The following SLC5A2 variants were observed in gnomAD, a reference collection of about 807,000 sequenced individuals.
SLC5A2 encodes the protein sodium/glucose cotransporter 2.
In SLC5A2, 67 loss-of-function variants were observed where a neutral mutation model predicts 69.0. The observed-to-expected ratio is 0.97, with a 90% CI of 0.80 to 1.19. The LOEUF (loss-of-function observed/expected upper bound fraction) is 1.19. Ranked by LOEUF, SLC5A2 falls within the 50% of genes most tolerant of loss-of-function variation. The pLI, the probability that SLC5A2 is intolerant of heterozygous loss-of-function variation, is 0.00. For synonymous variants in SLC5A2, 455 were observed against 395.8 expected (o/e 1.15, Z -1.78); for missense variants, 1,001 against 921.5 (o/e 1.09, Z -1.12).
chr16:31,483,669 G>A (rs974006814), intron 1 of SLC5A2, among the ~76,000 whole-genome samples: 3 of 152,274 alleles, frequency 2.0e-5, no homozygotes, highest in East Asian at 3.9e-4. Context: ...AAGGCAGGGG[G>A]ATCACTGAGG....
rs115172778 is a variant in SLC5A2 at position 31,483,477 on chromosome 16, G to T, written c.126+215G>T. Among the ~76,000 whole-genome samples the T allele has an allele frequency of 6.4e-3, 975 of 152,268 alleles. 17 individuals are homozygous for T. Among genetic ancestry groups the T allele is most frequent in the African/African-American group, 0.023 (935 of 41,552 alleles). ...GGGACTGTGCTAGCTGAAGGGGTCC[G>T]CGGATTTTCATCAGGGTCGACATTC... On this transcript the variant is annotated intron_variant, in intron 1 of 13. Coordinates refer to ENST00000330498, the MANE Select transcript of SLC5A2 (RefSeq NM_003041.4).
rs761287089 is a variant in SLC5A2 at position 31,490,399 on chromosome 16, T to G, written c.1883T>G (p.Leu628Arg). 11 of 1,613,486 alleles carry G rather than the reference T, an allele frequency of 6.8e-6. No homozygotes were observed. Among genetic ancestry groups the G allele is most frequent in the Non-Finnish European group, 9.3e-6 (11 of 1,179,868 alleles). The change falls in exon 14 of 14, where the codon CTT (leucine) becomes CGT (arginine). Residue 628 changes from leucine (L) to arginine (R), a missense_variant. Physicochemically the swap from Leu to Arg is moderately radical, Grantham distance 102. Transcript: ENST00000330498. ...SRGGVGSPPP[L>R]TQEEAAAAAR... ...GGTGGGGTGGGCAGTCCTCCGCCCCTTACCCAGGAGGAGGCAGCGGCAGCA... is the reference window on the plus strand; with the variant it reads ...GGTGGGGTGGGCAGTCCTCCGCCCCGTACCCAGGAGGAGGCAGCGGCAGCA...
At chr16:31,488,315 C>A in intron 8 of SLC5A2, 68 bp from the exon 9 acceptor site, 1 of 1,600,336 alleles carries the variant, frequency 6.2e-7, no homozygotes, top group Non-Finnish European at 8.5e-7. Context: ...CTAGGATTCC[C>A]AGTCCCCACC....
In SLC5A2 at chr16:31,490,647, C is replaced by A; in HGVS notation, c.*112C>A. 8.9e-7 allele frequency: 1 copy of A among 1,121,670 alleles called. No homozygotes were observed. The highest frequency in any genetic ancestry group is 1.3e-6 in the Non-Finnish European group (1 of 759,430). 69.5% of individuals were successfully genotyped at this position (1,121,670 alleles called of 1,614,324 possible). ...GCAGTGGGGTGAGAAGGTCCTGGCT[C>A]CCCTTCTCCCGGCCTTCCTCTGCCT... is the stretch of plus-strand genomic sequence containing the variant. On this transcript the variant is annotated 3_prime_UTR_variant, in exon 14 of 14. Transcript: ENST00000330498.
chr16:31,483,349 G>A (rs1000950348), intron 1 of SLC5A2, 87 bp downstream of exon 1: 1 of 1,544,886 alleles, frequency 6.5e-7, no homozygotes, highest in Non-Finnish European at 8.9e-7. Context: ...GTGGGAGAAT[G>A]ATGCTTGGAT....
chr16:31,489,027 C>G lies in SLC5A2; in HGVS notation c.1428C>G (p.Phe476Leu), dbSNP rs1028301327. 16 of 1,600,666 alleles carry G rather than the reference C, an allele frequency of 1.0e-5. No individual in the cohort carries two copies. The highest frequency in any genetic ancestry group is 4.0e-5 in the African/African-American group (3 of 74,944). The stretch of plus-strand genomic sequence containing the variant: ...CCGCCGTCTTCGTGCTGGCGCTCTT[C>G]GTGCCGCGCGTTAATGAGCAGGTGA... Reference protein sequence around the residue: ...PVSAVFVLALFVPRVNEQGAF... With the variant: ...PVSAVFVLALLVPRVNEQGAF... Residue 476 changes from phenylalanine to leucine, a missense_variant, in exon 11 of 14, where the codon TTC becomes TTG. Transcript: ENST00000330498.
chr16:31,487,280 A>G, intron 5 of SLC5A2, 40 bp from the exon 6 acceptor site: 10 of 1,601,544 alleles, frequency 6.2e-6, no homozygotes, highest in Non-Finnish European at 8.6e-6. Flanking sequence ...AGCCTGTAAC[A>G]TAAACAGCTG....
Position 31,488,884 on chromosome 16 carries a change from T to C in SLC5A2, c.1285T>C (p.Trp429Arg). The change falls in exon 11 of 14, where the codon TGG (tryptophan) becomes CGG (arginine). Residue 429 changes from tryptophan (W) to arginine (R), a missense_variant. Trp to Arg is a moderately radical substitution (Grantham distance 101). Coordinates refer to ENST00000330498, the MANE Select transcript of SLC5A2 (RefSeq NM_003041.4). ...ATCCGACGGCCTCCGCCGCAGGCTC[T>C]GGGTGGTGTTCATCGTGGTAGTGTC... ...DRELLLVGRL[W>R]VVFIVVVSVA... The C allele has an allele frequency of 1.2e-6, 2 of 1,605,364 alleles. No individual in the cohort carries two copies. Among genetic ancestry groups the C allele is most frequent in the Non-Finnish European group, 1.7e-6 (2 of 1,179,826 alleles).
In SLC5A2 at chr16:31,484,800, C is replaced by A. The variant is rs1281771783; in HGVS notation, c.199-19C>A. 6.8e-6 allele frequency: 11 copies of A among 1,612,252 alleles called. No individual in the cohort carries two copies. The highest frequency in any genetic ancestry group is 8.5e-6 in the Non-Finnish European group (10 of 1,179,926). ...GCCTGGAGAAGCAGCCCTGCTCACT[C>A]CCTCCTCTGGCCACCCAGGTTGGGG... is the stretch of plus-strand genomic sequence containing the variant. On this transcript the variant is annotated intron_variant, in intron 2 of 13. Coordinates refer to ENST00000330498, the MANE Select transcript of SLC5A2 (RefSeq NM_003041.4).
intron 3 of SLC5A2, chr16:31,485,492 A>G (rs774166915): frequency 5.0e-6 from 3 of 594,690 alleles, no homozygotes; most frequent in African/African-American, 1.9e-5. Flanking sequence ...ACATTGGGAA[A>G]AACGGGCCAG....
chr16:31,488,213 G>C (rs750723203), intron 8 of SLC5A2, 40 bp downstream of exon 8: 13 of 1,613,630 alleles, frequency 8.1e-6, no homozygotes, highest in Non-Finnish European at 1.1e-5. Context: ...GCCAGCAACC[G>C]GGCGCCCGTC....
At position 31,488,691 on chromosome 16, in the gene SLC5A2, G is replaced by C. The variant is rs373855573; in HGVS notation, c.1199G>C (p.Ser400Thr). The change falls in exon 10 of 14, where the codon AGC (serine) becomes ACC (threonine). Residue 400 changes from serine (S) to threonine (T), a missense_variant. Transcript: ENST00000330498. ...LMSSLASIFNSSSTLFTMDIY... is the reference protein window; with the variant it reads ...LMSSLASIFNTSSTLFTMDIY... ...TCCTCGCTGGCCTCCATCTTCAACA[G>C]CAGCAGCACGCTCTTCACCATGGAC... is the stretch of plus-strand genomic sequence containing the variant. 1 of 1,612,092 alleles carries C rather than the reference G, an allele frequency of 6.2e-7. No individual in the cohort carries two copies. Among genetic ancestry groups the C allele is most frequent in the Non-Finnish European group, 8.5e-7 (1 of 1,179,362 alleles).
rs990835463 is a variant in SLC5A2, at chr16:31,483,288, G to A, written c.126+26G>A. 10 of 1,613,726 alleles carry A rather than the reference G, an allele frequency of 6.2e-6. No individual in the cohort carries two copies. In the Admixed American group the frequency reaches 1.5e-4, roughly 24 times the overall value. On this transcript the variant is annotated intron_variant, in intron 1 of 13. Coordinates refer to ENST00000330498, the MANE Select transcript of SLC5A2 (RefSeq NM_003041.4). Reference sequence around the variant, plus strand: ...GTGAGAAGTTGGGGGGTGTGCTGCTGGTGGCTGCTGGCTTTGGGGGCCTGG... The same window carrying A: ...GTGAGAAGTTGGGGGGTGTGCTGCTAGTGGCTGCTGGCTTTGGGGGCCTGG...
Position 31,488,968 on chromosome 16 carries a change from C to T in SLC5A2, c.1369C>T (p.Gln457Ter). The T allele has an allele frequency of 1.9e-6, 3 of 1,602,332 alleles. No homozygotes were observed. Among genetic ancestry groups the T allele is most frequent in the Non-Finnish European group, 2.5e-6 (3 of 1,179,876 alleles). Residue 457 changes from glutamine to a stop codon, truncating the protein, a stop_gained, in exon 11 of 14, where the codon CAG becomes TAG. Coordinates refer to ENST00000330498, the MANE Select transcript of SLC5A2 (RefSeq NM_003041.4). LOFTEE classifies it high-confidence loss of function. Reference protein sequence around the residue: ...AQGGQLFDYIQAVSSYLAPPV... With the variant: ...AQGGQLFDYI ...GGGCGGGCAGCTCTTCGATTACATCCAGGCAGTCTCTAGCTACCTGGCACC... is the reference window on the plus strand; with the variant it reads ...GGGCGGGCAGCTCTTCGATTACATCTAGGCAGTCTCTAGCTACCTGGCACC...
At chr16:31,486,016 A>T in intron 4 of SLC5A2, 123 bp downstream of exon 4, 3 of 1,258,204 alleles carry the variant, frequency 2.4e-6, no homozygotes, top group South Asian at 1.2e-5. Context: ...TGATGGAGGC[A>T]GAGCCTGCAA....
Position 31,483,277 on chromosome 16 carries a change from G to GGT in SLC5A2, c.126+19_126+20dup. On this transcript the variant is annotated intron_variant, in intron 1 of 13. Coordinates refer to ENST00000330498, the MANE Select transcript of SLC5A2 (RefSeq NM_003041.4). The stretch of plus-strand genomic sequence containing the variant: ...TTGGCTTGTGGGTGAGAAGTTGGGG[G>GGT]GTGTGCTGCTGGTGGCTGCTGGCTT... 1 of 1,613,794 alleles carries GGT rather than the reference G, an allele frequency of 6.2e-7. No homozygotes were observed. The highest frequency in any genetic ancestry group is 1.3e-5 in the African/African-American group (1 of 74,942).
rs1051714321 is a variant in SLC5A2 at position 31,487,471 on chromosome 16, G to A, written c.656-59G>A. 41 of 1,609,744 alleles carry A rather than the reference G, an allele frequency of 2.5e-5. No homozygotes were observed. In the South Asian group the frequency reaches 4.3e-4, roughly 17 times the overall value. On this transcript the variant is annotated intron_variant, in intron 6 of 13. Coordinates refer to ENST00000330498, the MANE Select transcript of SLC5A2 (RefSeq NM_003041.4). ...GAGCTCTCGGCCTGCGCGCGGGGCCGTTGCGCGTCTCCGGTCTGAGGGTCC... is the reference window on the plus strand; with the variant it reads ...GAGCTCTCGGCCTGCGCGCGGGGCCATTGCGCGTCTCCGGTCTGAGGGTCC...
At chr16:31,487,789 G>T in intron 7 of SLC5A2, 30 bp downstream of exon 7, 1 of 1,578,110 alleles carries the variant, frequency 6.3e-7, no homozygotes. Flanking sequence ...CCTGCAGTGA[G>T]GCCGGGGCGG....
In SLC5A2 at chr16:31,485,439, A is replaced by T. The variant is rs993420028; in HGVS notation, c.304-290A>T. 7.6e-6 allele frequency: 4 copies of T among 527,502 alleles called. No individual in the cohort carries two copies. The African/African-American group carries it at 7.7e-5, about 10-fold the overall frequency. 32.7% of individuals were successfully genotyped at this position (527,502 alleles called of 1,614,324 possible). A position where few individuals can be genotyped will look rare whatever the true frequency, so the allele number is the denominator to read the frequency against. On this transcript the variant is annotated intron_variant, in intron 3 of 13. Transcript: ENST00000330498. ...GGTGGCTTTGGCTCAGGTCAGTCTG[A>T]GGGGTCTATGCTGGGGTTCATATCT...
Sources: allele counts gnomAD v4.1 joint callset (sites outside exome capture counted in the v4.1 genomes callset), GRCh38; gene constraint gnomAD v4.1.1; transcripts MANE v1.5; gene names NCBI Gene and HGNC (gene_info 2026-07-23, HGNC 2026-07-21).